PRDM1: variants seen among roughly 807,000 people sequenced by gnomAD.
The protein encoded by PRDM1 is PR/SET domain 1, also known as PR domain zinc finger protein 1.
Under a neutral mutation model 62.8 loss-of-function variants are expected in PRDM1, and 13 were observed. That is an observed-to-expected ratio of 0.21 (90% CI 0.13 to 0.33). The LOEUF (loss-of-function observed/expected upper bound fraction) is 0.33, where lower values mean the gene tolerates loss of function less well. PRDM1 is among the 10% of genes least tolerant of loss of function. PRDM1 has a pLI of 1.00. For synonymous variants in PRDM1, 396 were observed against 417.6 expected (o/e 0.95, Z 0.63); for missense variants, 895 against 1,058.8 (o/e 0.85, Z 2.15).
chr6:105,995,558 A>G (rs1030673860), intron 1 of PRDM1, among the ~76,000 whole-genome samples: 1 of 152,034 alleles, frequency 6.6e-6, no homozygotes, highest in Non-Finnish European at 1.5e-5. Context: ...ACGTAATAGA[A>G]AAGACACAGT....
At chr6:106,103,218 G>T (rs934592100) in intron 4 of PRDM1, among the ~76,000 whole-genome samples, 1 of 152,058 alleles carries the variant, frequency 6.6e-6, no homozygotes, top group Non-Finnish European at 1.5e-5. Flanking sequence ...ATAACCGCTG[G>T]CAGGAGATAA....
intron 1 of PRDM1, among the ~76,000 whole-genome samples, chr6:106,003,514 T>A (rs1210053655): frequency 6.6e-6 from 1 of 152,178 alleles, no homozygotes; most frequent in East Asian, 1.9e-4. Context: ...TTAGACATTT[T>A]AAAAAATTAT....
chr6:106,006,791 C>T (rs1348241170), intron 1 of PRDM1, among the ~76,000 whole-genome samples: 1 of 151,866 alleles, frequency 6.6e-6, no homozygotes, highest in Non-Finnish European at 1.5e-5. Context: ...GGAAGGCAGC[C>T]ATGTTCCTCA....
At chr6:106,069,983 C>A (rs974943805) in intron 1 of PRDM1, among the ~76,000 whole-genome samples, 9 of 152,186 alleles carry the variant, frequency 5.9e-5, no homozygotes, top group African/African-American at 2.2e-4. Context: ...CTCTCCGCAT[C>A]CACCACTTCT....
At chr6:106,070,237 T>A (rs1367675169) in intron 1 of PRDM1, among the ~76,000 whole-genome samples, 1 of 152,252 alleles carries the variant, frequency 6.6e-6, no homozygotes, top group Non-Finnish European at 1.5e-5. Context: ...ACATTTCAGA[T>A]ACCCCCTTCT....
chr6:106,064,992 C>G (rs1294430726), intron 1 of PRDM1, among the ~76,000 whole-genome samples: 1 of 152,122 alleles, frequency 6.6e-6, no homozygotes, highest in Admixed American at 6.6e-5. Context: ...CACTGGTTGT[C>G]CATGTGACTA....
At chr6:106,010,107 C>T (rs1476721784) in intron 1 of PRDM1, among the ~76,000 whole-genome samples, 2 of 152,160 alleles carry the variant, frequency 1.3e-5, no homozygotes, top group African/African-American at 2.4e-5. Flanking sequence ...CAAGATGTGC[C>T]CAGTTCCCCT....
intron 1 of PRDM1, among the ~76,000 whole-genome samples, chr6:106,010,423 T>TC (rs1772531828): frequency 2.0e-5 from 3 of 152,204 alleles, no homozygotes; most frequent in Admixed American, 1.3e-4. Context: ...CTTTTTTGAC[T>TC]CCCAAACAAG....
At chr6:106,070,000 A>ATT (rs377505467) in intron 1 of PRDM1, among the ~76,000 whole-genome samples, 1 of 151,332 alleles carries the variant, frequency 6.6e-6, no homozygotes, top group African/African-American at 2.4e-5. Context: ...TTCTCCCTCA[A>ATT]TTTTTTTTTG....
chr6:106,095,520 T>G, intron 2 of PRDM1, 95 bp from the exon 3 acceptor site: 1 of 1,380,074 alleles, frequency 7.2e-7, no homozygotes, highest in Non-Finnish European at 9.9e-7. Context: ...CATTGTTAGT[T>G]GTATTACTAC....
At chr6:106,097,083 C>G (rs1449938227) in intron 3 of PRDM1, among the ~76,000 whole-genome samples, 1 of 152,158 alleles carries the variant, frequency 6.6e-6, no homozygotes, top group Non-Finnish European at 1.5e-5. Flanking sequence ...AGGGTAGTTA[C>G]AGATTCACTA....
At chr6:106,036,339 G>A (rs542891550) in intron 1 of PRDM1, among the ~76,000 whole-genome samples, 2 of 152,258 alleles carry the variant, frequency 1.3e-5, no homozygotes, top group East Asian at 3.9e-4. Context: ...CTTAAGTAGA[G>A]ACAGGGTTTC....
chr6:106,039,228 T>A (rs1385994440), intron 1 of PRDM1, among the ~76,000 whole-genome samples: 1 of 152,170 alleles, frequency 6.6e-6, no homozygotes, highest in Non-Finnish European at 1.5e-5. Flanking sequence ...TCAGGCTGCA[T>A]TGGAGGAGTG....
chr6:106,009,760 C>T (rs1038284308), intron 1 of PRDM1, among the ~76,000 whole-genome samples: 3 of 152,128 alleles, frequency 2.0e-5, no homozygotes, highest in Non-Finnish European at 4.4e-5. Context: ...CTCCATTGCC[C>T]AGGCTGGAGT....
intron 1 of PRDM1, among the ~76,000 whole-genome samples, chr6:106,063,634 A>G (rs916383359): frequency 6.6e-6 from 1 of 152,202 alleles, no homozygotes; most frequent in Non-Finnish European, 1.5e-5. Flanking sequence ...TTATTAGTCA[A>G]TTCTGGAAAT....
At chr6:106,095,497 AT>A in intron 2 of PRDM1, 117 bp from the exon 3 acceptor site, 1 of 1,178,686 alleles carries the variant, frequency 8.5e-7, no homozygotes, top group Non-Finnish European at 1.2e-6. Context: ...CTGTTTACTT[AT>A]CAAAATTTTA....
intron 4 of PRDM1, among the ~76,000 whole-genome samples, chr6:106,101,436 T>C (rs1006087891): frequency 4.6e-5 from 7 of 152,256 alleles, no homozygotes; most frequent in African/African-American, 1.7e-4. Context: ...GCAACTGTCA[T>C]ATATACTGTG....
chr6:106,051,064 A>C (rs1285762873), intron 1 of PRDM1, among the ~76,000 whole-genome samples: 1 of 152,064 alleles, frequency 6.6e-6, no homozygotes, highest in Non-Finnish European at 1.5e-5. Flanking sequence ...AAAAATTACT[A>C]GAAAAGTCAG....
chr6:106,055,005 T>C (rs915978647), intron 1 of PRDM1, among the ~76,000 whole-genome samples: 1 of 152,262 alleles, frequency 6.6e-6, no homozygotes. Context: ...AATTTGTTTA[T>C]AATTTGGAAC....
Sources: allele counts gnomAD v4.1 joint callset (sites outside exome capture counted in the v4.1 genomes callset), GRCh38; gene constraint gnomAD v4.1.1; transcripts MANE v1.5; gene names NCBI Gene and HGNC (gene_info 2026-07-23, HGNC 2026-07-21).